Variants in NCAPG2 observed in about 807,000 individuals in gnomAD.
NCAPG2 encodes condensin-2 complex subunit G2.
Under a neutral mutation model 141.1 loss-of-function variants are expected in NCAPG2, and 53 were observed. The ratio of observed to expected loss-of-function variants is 0.38; its 90% CI spans 0.30 to 0.47. The LOEUF (loss-of-function observed/expected upper bound fraction) is 0.47. Ranked by LOEUF, NCAPG2 falls within the 20% of genes least tolerant of loss-of-function variation. The probability of loss-of-function intolerance (pLI) is 0.99; values close to 1 mark genes in which losing one functional copy is unlikely to be tolerated. For synonymous variants in NCAPG2, 499 were observed against 490.7 expected (o/e 1.02, Z -0.22); for missense variants, 1,087 against 1,389.0 (o/e 0.78, Z 3.46).
At chr7:158,636,781 C>A (rs1222067613) in intron 27 of NCAPG2, among the ~76,000 whole-genome samples, 6 of 152,184 alleles carry the variant, frequency 3.9e-5, no homozygotes, top group African/African-American at 1.2e-4. Flanking sequence ...AACATTCTTA[C>A]AGTTGGTAAT....
At chr7:158,641,216 G>T in intron 27 of NCAPG2, 1 of 320,828 alleles carries the variant, frequency 3.1e-6, no homozygotes, top group Non-Finnish European at 5.6e-6. Context: ...AGGAGTGGAA[G>T]ACAGAAATAG....
Position 158,687,446 on chromosome 7 carries a change from G to A in NCAPG2, c.673-4C>T. ...GACAACTAAGAAATCTTCTTCCCTA[G>A]AAATAAAAAAGGATAGAATGTTTAC... On this transcript the variant is annotated splice_region_variant and splice_polypyrimidine_tract_variant and intron_variant, in intron 6 of 27. Transcript: ENST00000356309. The A allele has an allele frequency of 6.3e-7, 1 of 1,581,608 alleles. No homozygotes were observed. Among genetic ancestry groups the A allele is most frequent in the Non-Finnish European group, 8.6e-7 (1 of 1,162,600 alleles).
intron 12 of NCAPG2, among the ~76,000 whole-genome samples, chr7:158,672,312 ATATATATATATATATATTTTTTTTT>A (rs1563549499): frequency 1.3e-3 from 50 of 38,502 alleles, no homozygotes; most frequent in African/African-American, 3.9e-3. Flanking sequence ...ATATATATAT[ATATATATATATATATATTTTTTTTT>A]TTTTTTTTTT....
At position 158,664,686 on chromosome 7, in the gene NCAPG2, GAC is replaced by G. The variant is rs1465874452; in HGVS notation, c.1542_1543del (p.Arg516AlafsTer8). 6.2e-7 allele frequency: 1 copy of G among 1,614,130 alleles called. No homozygotes were observed. Among genetic ancestry groups the G allele is most frequent in the East Asian group, 2.2e-5 (1 of 44,868 alleles). On this transcript the variant is annotated frameshift_variant, in exon 14 of 28. Transcript: ENST00000356309. LOFTEE classifies it high-confidence loss of function. Reference sequence around the variant, plus strand: ...AAAGATGAGGCTCACCAGGCGCCGAGACACAGGTCGAGAATCAGTTTCCAGAC... The same window carrying G: ...AAAGATGAGGCTCACCAGGCGCCGAGACAGGTCGAGAATCAGTTTCCAGAC...
rs567025677 is a variant in NCAPG2, at chr7:158,649,154, T to C, written c.3075+1678A>G. On this transcript the variant is annotated intron_variant, in intron 24 of 27. Coordinates refer to ENST00000356309, the MANE Select transcript of NCAPG2 (RefSeq NM_017760.7). ...AGTCAGAGCCAGAGAGATTCCACAATAATAGGAGTCAATTCATCAAAAAGA... is the reference window on the plus strand; with the variant it reads ...AGTCAGAGCCAGAGAGATTCCACAACAATAGGAGTCAATTCATCAAAAAGA... 6.6e-5 allele frequency among the ~76,000 whole-genome samples: 10 copies of C among 152,106 alleles called. No homozygotes were observed. In the South Asian group the frequency reaches 1.7e-3, roughly 25 times the overall value.
chr7:158,670,648 T>A (rs1009452599), intron 13 of NCAPG2, among the ~76,000 whole-genome samples: 3 of 152,126 alleles, frequency 2.0e-5, no homozygotes, highest in African/African-American at 7.2e-5. Flanking sequence ...TATATATATG[T>A]CTCCATTTTA....
intron 27 of NCAPG2, chr7:158,639,834 CT>C (rs2129456415): frequency 1.0e-6 from 1 of 976,260 alleles, no homozygotes; most frequent in African/African-American, 1.8e-5. Context: ...TATTTCAAAC[CT>C]AATGCAAACA....
In NCAPG2 at chr7:158,631,502, G is replaced by T; in HGVS notation, c.*164C>A. ...CACTAGGCAAAATTGAAGAAGTTTTGAGTTATCTCCTCCATAACCCCCACC... is the reference window on the plus strand; with the variant it reads ...CACTAGGCAAAATTGAAGAAGTTTTTAGTTATCTCCTCCATAACCCCCACC... On this transcript the variant is annotated 3_prime_UTR_variant, in exon 28 of 28. Coordinates refer to ENST00000356309, the MANE Select transcript of NCAPG2 (RefSeq NM_017760.7). 1 of 706,896 alleles carries T rather than the reference G, an allele frequency of 1.4e-6. No individual in the cohort carries two copies. The highest frequency in any genetic ancestry group is 1.7e-5 in the South Asian group (1 of 60,116). The allele number at this position is 706,896 out of a possible 1,614,324, so 43.8% of individuals were successfully genotyped here.
At chr7:158,637,207 A>G (rs1443116420) in intron 27 of NCAPG2, among the ~76,000 whole-genome samples, 1 of 152,230 alleles carries the variant, frequency 6.6e-6, no homozygotes, top group African/African-American at 2.4e-5. Flanking sequence ...TTGGCCTCCC[A>G]AAGTGCTGAG....
intron 24 of NCAPG2, among the ~76,000 whole-genome samples, chr7:158,650,342 G>A (rs533115309): frequency 4.5e-4 from 68 of 152,306 alleles, no homozygotes; most frequent in African/African-American, 1.6e-3. Flanking sequence ...ACTGCGCCCA[G>A]TCTAAACTGA....
Position 158,652,307 on chromosome 7 carries a change from C to T in NCAPG2, c.2920G>A (p.Glu974Lys). ...CIARSFRKQP[E>K]EGLRLLYSVQ... ...GTTCTGAGTACCCGCAGGCCTTCTT[C>T]CGGCTGCTTCCTGAAGCTCCGTGCA... Residue 974 changes from glutamate to lysine, a missense_variant, in exon 23 of 28, where the codon GAA becomes AAA. Physicochemically the swap from Glu to Lys is moderately conservative, Grantham distance 56. Transcript: ENST00000356309. The T allele has an allele frequency of 6.2e-7, 1 of 1,613,568 alleles. No homozygotes were observed. Among genetic ancestry groups the T allele is most frequent in the South Asian group, 1.1e-5 (1 of 90,882 alleles).
At chr7:158,681,230 A>G (rs1834435677) in intron 9 of NCAPG2, among the ~76,000 whole-genome samples, 1 of 152,192 alleles carries the variant, frequency 6.6e-6, no homozygotes, top group Non-Finnish European at 1.5e-5. Flanking sequence ...TTTATTACCA[A>G]CATGTGGTAA....
intron 22 of NCAPG2, 42 bp downstream of exon 22, chr7:158,654,553 T>C: frequency 6.3e-7 from 1 of 1,580,152 alleles, no homozygotes; most frequent in Non-Finnish European, 8.7e-7. Context: ...AGGGAAGGAC[T>C]GGTTCTGAGT....
chr7:158,658,499 C>T, intron 16 of NCAPG2, 91 bp from the exon 17 acceptor site: 2 of 1,164,746 alleles, frequency 1.7e-6, no homozygotes, highest in Non-Finnish European at 2.3e-6. Flanking sequence ...TAACTTACTA[C>T]CAAAGTTGCT....
At chr7:158,691,074 A>G (rs1443751736) in intron 4 of NCAPG2, among the ~76,000 whole-genome samples, 1 of 152,202 alleles carries the variant, frequency 6.6e-6, no homozygotes, top group Non-Finnish European at 1.5e-5. Flanking sequence ...TTAACACCAG[A>G]GCCAAGACAG....
intron 8 of NCAPG2, 136 bp downstream of exon 8, chr7:158,686,036 C>G: frequency 1.9e-6 from 1 of 539,634 alleles, no homozygotes; most frequent in Non-Finnish European, 3.2e-6. Flanking sequence ...GATTGCCCAT[C>G]AAATAGATTT....
chr7:158,652,172 C>G, intron 23 of NCAPG2, 121 bp downstream of exon 23: 1 of 1,014,548 alleles, frequency 9.9e-7, no homozygotes, highest in Non-Finnish European at 1.5e-6. Flanking sequence ...CAGGGACCTC[C>G]CACACAACAC....
At chr7:158,674,954 GT>G (rs1326839859) in intron 12 of NCAPG2, among the ~76,000 whole-genome samples, 8 of 152,144 alleles carry the variant, frequency 5.3e-5, no homozygotes, top group African/African-American at 1.9e-4. Flanking sequence ...ACACCTGGCC[GT>G]TTCACATTTT....
chr7:158,652,545 T>C, intron 22 of NCAPG2, 65 bp from the exon 23 acceptor site: 1 of 1,266,646 alleles, frequency 7.9e-7, no homozygotes, highest in Non-Finnish European at 1.1e-6. Flanking sequence ...CATTACACAT[T>C]TCTCACTTAA....
Sources: allele counts gnomAD v4.1 joint callset (sites outside exome capture counted in the v4.1 genomes callset), GRCh38; gene constraint gnomAD v4.1.1; transcripts MANE v1.5; gene names NCBI Gene and HGNC (gene_info 2026-07-23, HGNC 2026-07-21).